KCNAB1: variants seen among roughly 807,000 people sequenced by gnomAD.
KCNAB1 encodes voltage-gated potassium channel subunit beta-1.
In KCNAB1, 35 loss-of-function variants were observed where a neutral mutation model predicts 64.6. The observed-to-expected ratio is 0.54, with a 90% CI of 0.41 to 0.72. KCNAB1 has a LOEUF of 0.72. KCNAB1 is among the 30% of genes least tolerant of loss of function. The pLI is 0.00. For missense variants in KCNAB1, 401 were observed against 512.9 expected (o/e 0.78, Z 2.11); for synonymous variants, 177 against 183.8 (o/e 0.96, Z 0.30).
intron 12 of KCNAB1, among the ~76,000 whole-genome samples, chr3:156,529,749 C>T (rs971480605): frequency 1.3e-5 from 2 of 152,206 alleles, no homozygotes; most frequent in African/African-American, 2.4e-5. Context: ...CAGAACAGGA[C>T]AGTTCTTAAA....
chr3:156,538,899 C>A (rs181893376), downstream of KCNAB1: 1 of 152,320 alleles, frequency 6.6e-6, no homozygotes, highest in African/African-American at 2.4e-5. Context: ...TAAGGCTTCA[C>A]AAATTCACTT....
intron 1 of KCNAB1, among the ~76,000 whole-genome samples, chr3:156,229,501 G>A (rs985309733): frequency 2.0e-5 from 3 of 152,122 alleles, no homozygotes; most frequent in African/African-American, 7.2e-5. Flanking sequence ...CATATTATGT[G>A]GTTACAGATA....
chr3:156,407,965 G>A (rs1045812677), intron 1 of KCNAB1, among the ~76,000 whole-genome samples: 1 of 152,160 alleles, frequency 6.6e-6, no homozygotes, highest in Non-Finnish European at 1.5e-5. Flanking sequence ...GGCTGATGGG[G>A]AAAGGACTGA....
At chr3:156,360,242 T>C (rs1267182610) in intron 1 of KCNAB1, among the ~76,000 whole-genome samples, 1 of 152,216 alleles carries the variant, frequency 6.6e-6, no homozygotes, top group Admixed American at 6.5e-5. Flanking sequence ...GCTCTGGGGC[T>C]CTAGATACGT....
intron 1 of KCNAB1, among the ~76,000 whole-genome samples, chr3:156,268,679 A>C (rs113272107): frequency 6.6e-6 from 1 of 152,174 alleles, no homozygotes; most frequent in African/African-American, 2.4e-5. Context: ...TCTTTGGAGA[A>C]TCAGATATTT....
chr3:156,322,902 T>C (rs1722758321), intron 1 of KCNAB1, among the ~76,000 whole-genome samples: 1 of 152,052 alleles, frequency 6.6e-6, no homozygotes, highest in African/African-American at 2.4e-5. Flanking sequence ...TCCACATATC[T>C]GAGGAGACTA....
chr3:156,280,449 G>A (rs1216626508), intron 1 of KCNAB1, among the ~76,000 whole-genome samples: 280 of 151,330 alleles, frequency 1.9e-3, no homozygotes, highest in African/African-American at 6.4e-3. Context: ...TTGGCAATGC[G>A]GGCTCTTTTT....
chr3:156,478,714 T>G (rs1714563917), intron 8 of KCNAB1, among the ~76,000 whole-genome samples: 1 of 152,186 alleles, frequency 6.6e-6, no homozygotes, highest in African/African-American at 2.4e-5. Flanking sequence ...CGGGAACATT[T>G]TAAAAATAAA....
intron 1 of KCNAB1, among the ~76,000 whole-genome samples, chr3:156,275,898 T>A (rs1384931301): frequency 1.3e-5 from 2 of 152,166 alleles, no homozygotes; most frequent in East Asian, 3.9e-4. Context: ...ATCCTGCTAA[T>A]GTTGATATTT....
At chr3:156,299,736 G>A (rs1251178380) in intron 1 of KCNAB1, among the ~76,000 whole-genome samples, 2 of 151,910 alleles carry the variant, frequency 1.3e-5, no homozygotes, top group Admixed American at 6.6e-5. Flanking sequence ...TCTTGGAATC[G>A]ACAGCTAGGG....
At chr3:156,286,361 A>T (rs1166918377) in intron 1 of KCNAB1, among the ~76,000 whole-genome samples, 1 of 152,238 alleles carries the variant, frequency 6.6e-6, no homozygotes, top group East Asian at 1.9e-4. Context: ...GTGGCTTGCC[A>T]TCTGTATACT....
At chr3:156,336,896 A>T (rs1723750305) in intron 1 of KCNAB1, among the ~76,000 whole-genome samples, 1 of 152,262 alleles carries the variant, frequency 6.6e-6, no homozygotes, top group South Asian at 2.1e-4. Flanking sequence ...GATTTTTGTG[A>T]TAAATGCAGA....
chr3:156,279,656 A>G (rs1183356175), intron 1 of KCNAB1, among the ~76,000 whole-genome samples: 11 of 152,226 alleles, frequency 7.2e-5, no homozygotes, highest in South Asian at 4.2e-4. Flanking sequence ...AATGATTGCC[A>G]TTCTAACTGG....
intron 8 of KCNAB1, among the ~76,000 whole-genome samples, chr3:156,494,565 A>G (rs910006340): frequency 3.9e-5 from 6 of 152,162 alleles, no homozygotes; most frequent in African/African-American, 9.7e-5. Flanking sequence ...ACTGTTCTGT[A>G]TCTGTCCTGT....
At chr3:156,143,426 G>A (rs1392327918) in intron 1 of KCNAB1, 1 of 1,546,930 alleles carries the variant, frequency 6.5e-7, no homozygotes, top group South Asian at 1.3e-5. Flanking sequence ...TACAGGTACT[G>A]CTGATTGCAA....
chr3:156,244,592 T>C (rs1468028701), intron 1 of KCNAB1, among the ~76,000 whole-genome samples: 1 of 152,256 alleles, frequency 6.6e-6, no homozygotes, highest in Non-Finnish European at 1.5e-5. Flanking sequence ...TCCTCAGCTC[T>C]TCCCACACTT....
intron 1 of KCNAB1, among the ~76,000 whole-genome samples, chr3:156,344,890 A>G (rs886689440): frequency 2.6e-5 from 4 of 152,158 alleles, no homozygotes; most frequent in African/African-American, 9.7e-5. Context: ...TATGCATCGT[A>G]CCCCAGAAGG....
chr3:156,353,991 G>C (rs778104023), intron 1 of KCNAB1, among the ~76,000 whole-genome samples: 15 of 151,452 alleles, frequency 9.9e-5, no homozygotes, highest in Non-Finnish European at 1.6e-4. Context: ...GGATTTGGGG[G>C]CATGTTAAAG....
intron 2 of KCNAB1, among the ~76,000 whole-genome samples, chr3:156,435,570 A>T (rs1236353034): frequency 6.6e-6 from 1 of 152,220 alleles, no homozygotes; most frequent in Non-Finnish European, 1.5e-5. Flanking sequence ...TTGAGAATAA[A>T]GCAAGAGAAC....
Sources: gnomAD v4.1 joint callset for allele counts (sites outside exome capture counted in the v4.1 genomes callset) on GRCh38, gnomAD v4.1.1 for gene constraint, MANE v1.5 for transcripts, NCBI Gene and HGNC (gene_info 2026-07-23, HGNC 2026-07-21) for gene names.